DROSHA: variants seen among roughly 807,000 people sequenced by gnomAD.
DROSHA encodes drosha ribonuclease III, also known as ribonuclease 3.
DROSHA carries 56 observed loss-of-function variants against 181.9 expected under a neutral mutation model. That is an observed-to-expected ratio of 0.31 (90% CI 0.25 to 0.38). The LOEUF (loss-of-function observed/expected upper bound fraction) is 0.38, where lower values mean the gene tolerates loss of function less well. Ranked by LOEUF, DROSHA falls within the 10% of genes least tolerant of loss-of-function variation. DROSHA has a pLI of 1.00. For missense variants in DROSHA, 1,218 were observed against 1,743.5 expected (o/e 0.70, Z 5.37); for synonymous variants, 524 against 591.2 (o/e 0.89, Z 1.65).
At chr5:31,515,268 G>A (rs1372546779) in intron 7 of DROSHA, 49 bp from the exon 8 acceptor site, 4 of 1,543,624 alleles carry the variant, frequency 2.6e-6, no homozygotes, top group South Asian at 1.2e-5. Flanking sequence ...CTCTTCCACT[G>A]TAAAAACTAT....
At chr5:31,469,252 G>C (rs1036848781) in intron 17 of DROSHA, among the ~76,000 whole-genome samples, 1 of 152,118 alleles carries the variant, frequency 6.6e-6, no homozygotes, top group Admixed American at 6.6e-5. Context: ...AGCTACTCAG[G>C]GGGCTGAGGC....
rs72547275 is a variant in DROSHA, at chr5:31,401,335, A to G, written c.*97T>C. The G allele has an allele frequency of 1.7e-5, 25 of 1,499,146 alleles. No individual in the cohort carries two copies. The East Asian group carries it at 3.6e-4, about 21-fold the overall frequency. 92.9% of individuals were successfully genotyped at this position (1,499,146 alleles called of 1,614,324 possible). A position where few individuals can be genotyped will look rare whatever the true frequency, so the allele number is the denominator to read the frequency against. ...CTCTGTATTTTATTTCAATGAGCAC[A>G]CTTCATTCATTGTCTGCAGGAAAAC... On this transcript the variant is annotated 3_prime_UTR_variant, in exon 36 of 36. Transcript: ENST00000344624.
chr5:31,510,583 C>T (rs1738555105), intron 9 of DROSHA, among the ~76,000 whole-genome samples: 1 of 152,158 alleles, frequency 6.6e-6, no homozygotes, highest in Non-Finnish European at 1.5e-5. Context: ...AAAAATAGAC[C>T]ACCTTATGAA....
At chr5:31,483,430 C>A in intron 16 of DROSHA, 124 bp downstream of exon 16, 1 of 905,254 alleles carries the variant, frequency 1.1e-6, no homozygotes, top group Admixed American at 2.7e-5. Flanking sequence ...CGTGCCTAAC[C>A]TGAGAAGTAG....
chr5:31,531,070 A>C, intron 2 of DROSHA, 146 bp from the exon 3 acceptor site: 3 of 386,512 alleles, frequency 7.8e-6, no homozygotes, highest in Non-Finnish European at 1.4e-5. Context: ...GAGCCCATAA[A>C]TGGGAAGCAC....
chr5:31,483,760 A>C (rs910217432), intron 15 of DROSHA, 132 bp from the exon 16 acceptor site: 1 of 820,972 alleles, frequency 1.2e-6, no homozygotes. Context: ...AAAAATTACC[A>C]CCACCTCCTG....
intron 11 of DROSHA, among the ~76,000 whole-genome samples, chr5:31,497,529 G>T (rs1192614779): frequency 1.3e-5 from 2 of 152,226 alleles, no homozygotes; most frequent in South Asian, 2.1e-4. Context: ...GCATGTGCCT[G>T]GTGGCAATTT....
chr5:31,480,178 G>GTATA (rs55828936), intron 16 of DROSHA, among the ~76,000 whole-genome samples: 2,923 of 84,798 alleles, frequency 0.034, 264 homozygotes, highest in African/African-American at 0.089. Flanking sequence ...GGCAATGTCA[G>GTATA]TATATATATA....
At chr5:31,443,318 G>A (rs1199842881) in intron 23 of DROSHA, among the ~76,000 whole-genome samples, 1 of 151,698 alleles carries the variant, frequency 6.6e-6, no homozygotes, top group African/African-American at 2.4e-5. Flanking sequence ...ACACCTGGCT[G>A]AGATTTTTAT....
At chr5:31,446,179 G>A (rs897078390) in intron 23 of DROSHA, among the ~76,000 whole-genome samples, 1 of 152,066 alleles carries the variant, frequency 6.6e-6, no homozygotes, top group African/African-American at 2.4e-5. Flanking sequence ...GGGCGTGGTG[G>A]CTCACGCCTG....
At chr5:31,475,093 A>G (rs1234217075) in intron 16 of DROSHA, among the ~76,000 whole-genome samples, 2 of 152,142 alleles carry the variant, frequency 1.3e-5, no homozygotes, top group African/African-American at 4.8e-5. Context: ...CAAGGTGAGC[A>G]GACTGCTTGA....
At chr5:31,519,046 A>G (rs959265187) in intron 6 of DROSHA, among the ~76,000 whole-genome samples, 1 of 152,188 alleles carries the variant, frequency 6.6e-6, no homozygotes, top group East Asian at 1.9e-4. Flanking sequence ...CAAACTCCCA[A>G]TGTTTCTTCT....
intron 25 of DROSHA, 38 bp downstream of exon 25, chr5:31,435,727 T>C: frequency 6.3e-7 from 1 of 1,584,328 alleles, no homozygotes; most frequent in Admixed American, 1.7e-5. Context: ...GAAGAGCATG[T>C]CAGACGTAAC....
intron 20 of DROSHA, among the ~76,000 whole-genome samples, chr5:31,454,754 C>T (rs973865700): frequency 6.6e-6 from 1 of 151,868 alleles, no homozygotes; most frequent in Non-Finnish European, 1.5e-5. Flanking sequence ...TCCTGGCTAA[C>T]ATGGTGAGAC....
intron 13 of DROSHA, among the ~76,000 whole-genome samples, chr5:31,490,599 T>C (rs555663105): frequency 1.3e-5 from 2 of 152,354 alleles, no homozygotes; most frequent in African/African-American, 4.8e-5. Flanking sequence ...AACAAGGCTT[T>C]CAATCCACTT....
At chr5:31,504,452 A>G in intron 11 of DROSHA, 103 bp downstream of exon 11, 2 of 1,295,506 alleles carry the variant, frequency 1.5e-6, no homozygotes, top group Non-Finnish European at 2.2e-6. Flanking sequence ...ATATGAAGAG[A>G]ATTTTGATGG....
chr5:31,431,018 G>T (rs960280306), intron 26 of DROSHA, among the ~76,000 whole-genome samples: 2 of 152,108 alleles, frequency 1.3e-5, no homozygotes, highest in Admixed American at 6.5e-5. Flanking sequence ...ATTGTATTCT[G>T]GTTACAGTCA....
chr5:31,451,682 T>C, intron 20 of DROSHA, 42 bp from the exon 21 acceptor site: 1 of 1,449,742 alleles, frequency 6.9e-7, no homozygotes, highest in Non-Finnish European at 9.5e-7. Flanking sequence ...TTATAAAAAC[T>C]TATAAAGTCA....
chr5:31,472,182 T>G lies in DROSHA; in HGVS notation c.2122A>C (p.Arg708=), dbSNP rs1424785130. 6.2e-7 allele frequency: 1 copy of G among 1,613,900 alleles called. No homozygotes were observed. The highest frequency in any genetic ancestry group is 2.2e-5 in the East Asian group (1 of 44,866). The change falls in exon 17 of 36, where the codon AGG becomes CGG. Residue 708 remains arginine, a synonymous_variant. Transcript: ENST00000344624. Reference sequence around the variant, plus strand: ...TCAGGCACCAGGGCTTTGCTGCACCTTAACAAGTACAGGAGAATCTGGTGC... The same window carrying G: ...TCAGGCACCAGGGCTTTGCTGCACCGTAACAAGTACAGGAGAATCTGGTGC... ...SMHQILLYLL[R]CSKALVPEEE...
Sources: allele counts gnomAD v4.1 joint callset (sites outside exome capture counted in the v4.1 genomes callset), GRCh38; gene constraint gnomAD v4.1.1; transcripts MANE v1.5; gene names NCBI Gene and HGNC (gene_info 2026-07-23, HGNC 2026-07-21).